IGSF3: variants seen among roughly 807,000 people sequenced by gnomAD.
IGSF3 encodes the protein immunoglobulin superfamily member 3, also known as glu-Trp-Ile EWI motif-containing protein 3.
IGSF3 carries 23 observed loss-of-function variants against 114.4 expected under a neutral mutation model. The observed-to-expected ratio is 0.20, with a 90% confidence interval of 0.14 to 0.28. The LOEUF is 0.28. Ranked by LOEUF, IGSF3 falls within the 10% of genes least tolerant of loss-of-function variation. The probability of loss-of-function intolerance (pLI) is 1.00; values close to 1 mark genes in which losing one functional copy is unlikely to be tolerated. For synonymous variants in IGSF3, 571 were observed against 645.2 expected (o/e 0.88, Z 1.74); for missense variants, 1,172 against 1,591.5 (o/e 0.74, Z 4.48).
rs56982445 is a variant in IGSF3, at chr1:116,579,666, GTCC to G, written c.3057_3059del (p.Glu1019del). 212 of 1,590,572 alleles carry G rather than the reference GTCC, an allele frequency of 1.3e-4. 2 individuals are homozygous for G. The highest frequency in any genetic ancestry group is 9.6e-4 in the South Asian group (86 of 89,464). On this transcript the variant is annotated inframe_deletion, in exon 10 of 11. Transcript: ENST00000369486. The surrounding 1 kb of genome is among the most constrained non-coding windows in gnomAD (Gnocchi z 6.4). Reference sequence around the variant, plus strand: ...CTGTTGGGTCGTCGTCGTCGTCGTCGTCCTCCTCCTCCTCCTCCTCCCTTTCCT... The same window carrying G: ...CTGTTGGGTCGTCGTCGTCGTCGTCGTCCTCCTCCTCCTCCTCCCTTTCCT...
intron 8 of IGSF3, among the ~76,000 whole-genome samples, chr1:116,587,910 C>T: frequency 6.6e-6 from 1 of 152,122 alleles, no homozygotes. Context: ...GTGGAGAGGC[C>T]CTTCAGGCTA....
rs1660997773 is a variant in IGSF3, at chr1:116,610,990, C to G, written c.833-2659G>C. Among the ~76,000 whole-genome samples, 1 of 152,198 alleles carries G rather than the reference C, an allele frequency of 6.6e-6. No individual in the cohort carries two copies. Among genetic ancestry groups the G allele is most frequent in the South Asian group, 2.1e-4 (1 of 4,826 alleles). ...TTCCCTCCCACAGTTCAAGGAACCCCCAGAGCCCCAGTCCTAGCCCCTGGA... is the reference window on the plus strand; with the variant it reads ...TTCCCTCCCACAGTTCAAGGAACCCGCAGAGCCCCAGTCCTAGCCCCTGGA... On this transcript the variant is annotated intron_variant, in intron 4 of 10. Coordinates refer to ENST00000369486, the MANE Select transcript of IGSF3 (RefSeq NM_001007237.3). The surrounding 1 kb of genome is among the most constrained non-coding windows in gnomAD (Gnocchi z 4.3).
In IGSF3 at chr1:116,652,199, T is replaced by C. The variant is rs1648659979; in HGVS notation, c.43+14085A>G. Among the ~76,000 whole-genome samples, 3 of 152,236 alleles carry C rather than the reference T, an allele frequency of 2.0e-5. No homozygotes were observed. In the South Asian group the frequency reaches 6.2e-4, roughly 32 times the overall value. ...ATGCACAGGGGTTTCATAGGGACTA[T>C]TTAAAATACTTAAGAGAACAAACGG... On this transcript the variant is annotated intron_variant, in intron 2 of 10. Coordinates refer to ENST00000369486, the MANE Select transcript of IGSF3 (RefSeq NM_001007237.3).
At position 116,647,939 on chromosome 1, in the gene IGSF3, A is replaced by G. The variant is rs1648469857; in HGVS notation, c.43+18345T>C. ...GCCAACATGAAGAAACCCCATCTCT[A>G]CTACAAATACAAAAATTAGCTGGGT... On this transcript the variant is annotated intron_variant, in intron 2 of 10. Transcript: ENST00000369486. This position sits in a 1 kb window ranked among gnomAD's most constrained non-coding sequence, Gnocchi z 4.6. 1.3e-5 allele frequency among the ~76,000 whole-genome samples: 2 copies of G among 152,170 alleles called. 1 individual carries two copies. Among genetic ancestry groups the G allele is most frequent in the Admixed American group, 1.3e-4 (2 of 15,286 alleles).
At position 116,603,903 on chromosome 1, in the gene IGSF3, G is replaced by T. The variant is rs1188852376; in HGVS notation, c.1345C>A (p.Gln449Lys). 1 of 1,613,982 alleles carries T rather than the reference G, an allele frequency of 6.2e-7. No homozygotes were observed. The highest frequency in any genetic ancestry group is 8.5e-7 in the Non-Finnish European group (1 of 1,180,012). Residue 449 changes from glutamine (Q) to lysine (K), a missense_variant, in exon 6 of 11, where the codon CAG becomes AAG. By Grantham distance (53) the Gln-to-Lys change is moderately conservative. Transcript: ENST00000369486. This position sits in a 1 kb window ranked among gnomAD's most constrained non-coding sequence, Gnocchi z 7.1. ...CGGCGGTTCTGCCTGTCCACAAGCT[G>T]CCAGATGACAGAGAAGCGACCCTGC... is the stretch of plus-strand genomic sequence containing the variant. ...RPQGRFSVIW[Q>K]LVDRQNRRSN...
chr1:116,640,248 A>G (rs1343712974), intron 2 of IGSF3, among the ~76,000 whole-genome samples: 1 of 152,188 alleles, frequency 6.6e-6, no homozygotes, highest in Non-Finnish European at 1.5e-5. Context: ...ACACAGACAC[A>G]TGTATAACAA....
intron 2 of IGSF3, among the ~76,000 whole-genome samples, chr1:116,635,640 C>T (rs992534034): frequency 1.3e-5 from 2 of 152,188 alleles, no homozygotes; most frequent in Non-Finnish European, 1.5e-5. Flanking sequence ...AGCTTAAGCA[C>T]AAAGAATGTC....
rs1173584664 is a variant in IGSF3 at position 116,662,518 on chromosome 1, C to T, written c.43+3766G>A. ...GCTAGAGTTAGGAGAGCTGGTATTA[C>T]TGCCATTATGGAAGTACCAGCAGTC... On this transcript the variant is annotated intron_variant, in intron 2 of 10. Transcript: ENST00000369486. This position sits in a 1 kb window ranked among gnomAD's most constrained non-coding sequence, Gnocchi z 4.3. Among the ~76,000 whole-genome samples the T allele has an allele frequency of 6.6e-6, 1 of 152,188 alleles. No homozygotes were observed. The highest frequency in any genetic ancestry group is 1.5e-5 in the Non-Finnish European group (1 of 68,044).
In IGSF3 at chr1:116,593,891, A is replaced by G. The variant is rs538706607; in HGVS notation, c.2030-4787T>C. Among the ~76,000 whole-genome samples, 59 of 152,338 alleles carry G rather than the reference A, an allele frequency of 3.9e-4. No homozygotes were observed. Among genetic ancestry groups the G allele is most frequent in the Admixed American group, 8.5e-4 (13 of 15,308 alleles). ...ATGGAATAAAGCCATTAAAGATGTA[A>G]AATTGTATCTGGGACAACTCCATGC... is the stretch of plus-strand genomic sequence containing the variant. On this transcript the variant is annotated intron_variant, in intron 7 of 10. Transcript: ENST00000369486. This position sits in a 1 kb window ranked among gnomAD's most constrained non-coding sequence, Gnocchi z 4.5.
chr1:116,663,156 A>G (rs948590572), intron 2 of IGSF3, among the ~76,000 whole-genome samples: 3 of 152,048 alleles, frequency 2.0e-5, no homozygotes, highest in Admixed American at 1.3e-4. Context: ...GAGGTATATA[A>G]CTCTTCCTGG....
intron 6 of IGSF3, among the ~76,000 whole-genome samples, chr1:116,602,831 T>C (rs1660646442): frequency 6.6e-6 from 1 of 152,258 alleles, no homozygotes; most frequent in African/African-American, 2.4e-5. Flanking sequence ...AATAGACTGA[T>C]TATATCCAGG....
chr1:116,616,784 G>A lies in IGSF3; in HGVS notation c.44-327C>T, dbSNP rs1429805254. Among the ~76,000 whole-genome samples, 4 of 152,142 alleles carry A rather than the reference G, an allele frequency of 2.6e-5. No individual in the cohort carries two copies. Among genetic ancestry groups the A allele is most frequent in the African/African-American group, 9.7e-5 (4 of 41,418 alleles). On this transcript the variant is annotated intron_variant, in intron 2 of 10. Transcript: ENST00000369486. The surrounding 1 kb of genome is among the most constrained non-coding windows in gnomAD (Gnocchi z 6.6). ...TTTTATATCTATTTATTAATGCTGTGTATGAAGTTTTTAATAAAATGAGCA... is the reference window on the plus strand; with the variant it reads ...TTTTATATCTATTTATTAATGCTGTATATGAAGTTTTTAATAAAATGAGCA...
Position 116,625,956 on chromosome 1 carries a change from C to T in IGSF3, c.44-9499G>A, listed in dbSNP as rs996247005. 1.3e-5 allele frequency among the ~76,000 whole-genome samples: 2 copies of T among 152,202 alleles called. No homozygotes were observed. Among genetic ancestry groups the T allele is most frequent in the Admixed American group, 6.5e-5 (1 of 15,288 alleles). ...CTGTGTCACTAGACTGCCTGATTGT[C>T]CTAGGTTGAGACATTTAGCTACTGA... On this transcript the variant is annotated intron_variant, in intron 2 of 10. Coordinates refer to ENST00000369486, the MANE Select transcript of IGSF3 (RefSeq NM_001007237.3). This position sits in a 1 kb window ranked among gnomAD's most constrained non-coding sequence, Gnocchi z 4.7.
rs550709025 is a variant in IGSF3, at chr1:116,616,469, A to G, written c.44-12T>C. 6.3e-7 allele frequency: 1 copy of G among 1,580,342 alleles called. No homozygotes were observed. Among genetic ancestry groups the G allele is most frequent in the African/African-American group, 1.3e-5 (1 of 74,454 alleles). On this transcript the variant is annotated splice_polypyrimidine_tract_variant and intron_variant, in intron 2 of 10. Transcript: ENST00000369486. The surrounding 1 kb of genome is among the most constrained non-coding windows in gnomAD (Gnocchi z 6.6). ...TGCTGACACCACACCTACGAGGGAG[A>G]GAAACACACACAACATGCTTACTTA...
At position 116,655,409 on chromosome 1, in the gene IGSF3, G is replaced by A. The variant is rs1648805688; in HGVS notation, c.43+10875C>T. On this transcript the variant is annotated intron_variant, in intron 2 of 10. Coordinates refer to ENST00000369486, the MANE Select transcript of IGSF3 (RefSeq NM_001007237.3). The surrounding 1 kb of genome is among the most constrained non-coding windows in gnomAD (Gnocchi z 4.3). ...AAAGAACAACTATTTTAAAAATCAG[G>A]TCTAAAGGTGAGCCATCCAAGAAAC... is the stretch of plus-strand genomic sequence containing the variant. Among the ~76,000 whole-genome samples the A allele has an allele frequency of 6.6e-6, 1 of 152,196 alleles. No homozygotes were observed. The highest frequency in any genetic ancestry group is 1.5e-5 in the Non-Finnish European group (1 of 68,030).
At chr1:116,602,951 C>T (rs1465361138) in intron 6 of IGSF3, among the ~76,000 whole-genome samples, 1 of 152,160 alleles carries the variant, frequency 6.6e-6, no homozygotes, top group East Asian at 1.9e-4. Context: ...GAGGGAATAG[C>T]TTTGTTAGGT....
chr1:116,630,556 A>G (rs1174543826), intron 2 of IGSF3, among the ~76,000 whole-genome samples: 1 of 152,174 alleles, frequency 6.6e-6, no homozygotes, highest in Non-Finnish European at 1.5e-5. Flanking sequence ...CAAACCCACA[A>G]TCTCTGACTC....
At chr1:116,619,533 T>C (rs1661342191) in intron 2 of IGSF3, among the ~76,000 whole-genome samples, 1 of 152,262 alleles carries the variant, frequency 6.6e-6, no homozygotes, top group Admixed American at 6.5e-5. Flanking sequence ...AAAGGGCTTC[T>C]GACCCCTGAA....
chr1:116,622,506 A>G (rs1377804019), intron 2 of IGSF3, among the ~76,000 whole-genome samples: 1 of 152,230 alleles, frequency 6.6e-6, no homozygotes, highest in Admixed American at 6.5e-5. Flanking sequence ...CAACCAAACA[A>G]AACATTGATG....
Sources: gnomAD v4.1 joint callset for allele counts (sites outside exome capture counted in the v4.1 genomes callset) on GRCh38, gnomAD v4.1.1 for gene constraint, Gnocchi (gnomAD v3.1) non-coding constraint, MANE v1.5 for transcripts, NCBI Gene and HGNC (gene_info 2026-07-23, HGNC 2026-07-21) for gene names.